The following RGL1 variants were observed in gnomAD, a reference collection of about 807,000 sequenced individuals.
The protein encoded by RGL1 is ral guanine nucleotide dissociation stimulator-like 1.
RGL1 carries 24 observed loss-of-function variants against 95.2 expected under a neutral mutation model. That is an observed-to-expected ratio of 0.25 (90% confidence interval 0.18 to 0.35). The LOEUF (loss-of-function observed/expected upper bound fraction) is 0.35, where lower values mean the gene tolerates loss of function less well. Among genes scored for constraint, RGL1 ranks in the 10% least tolerant of loss-of-function variants. The pLI, the probability that RGL1 is intolerant of heterozygous loss-of-function variation, is 1.00. For missense variants in RGL1, 715 were observed against 936.3 expected (o/e 0.76, Z 3.08); for synonymous variants, 329 against 344.9 (o/e 0.95, Z 0.51).
At chr1:183,856,767 A>T (rs190891593) in intron 3 of RGL1, among the ~76,000 whole-genome samples, 3 of 151,898 alleles carry the variant, frequency 2.0e-5, no homozygotes, top group African/African-American at 4.8e-5. Flanking sequence ...AGAAAAGAGG[A>T]TTGTAAGAAG....
intron 2 of RGL1, among the ~76,000 whole-genome samples, chr1:183,845,331 A>G (rs898521121): frequency 1.3e-5 from 2 of 152,220 alleles, no homozygotes; most frequent in Non-Finnish European, 2.9e-5. Context: ...GCATCTCTGT[A>G]TAATTTGTTA....
intron 2 of RGL1, among the ~76,000 whole-genome samples, chr1:183,846,023 C>T (rs1664400817): frequency 6.6e-6 from 1 of 152,148 alleles, no homozygotes; most frequent in Non-Finnish European, 1.5e-5. Context: ...CACCCTTTGT[C>T]CCAACAATCC....
At chr1:183,668,989 TGCAGTG>T (rs1462608513) in intron 1 of RGL1, among the ~76,000 whole-genome samples, 1 of 143,812 alleles carries the variant, frequency 7.0e-6, no homozygotes, top group Admixed American at 7.5e-5. Context: ...CAGGCTGGAG[TGCAGTG>T]GCAGTGGTGC....
chr1:183,673,778 G>C (rs554547631), intron 1 of RGL1, among the ~76,000 whole-genome samples: 1 of 152,240 alleles, frequency 6.6e-6, no homozygotes, highest in South Asian at 2.1e-4. Flanking sequence ...CCTACCCTTT[G>C]GGATCATCCT....
At chr1:183,665,083 A>T (rs943413910) in intron 1 of RGL1, among the ~76,000 whole-genome samples, 8 of 152,078 alleles carry the variant, frequency 5.3e-5, no homozygotes, top group African/African-American at 1.9e-4. Context: ...TTTGTATTTA[A>T]AATCATTAAT....
chr1:183,730,621 G>A (rs993342153), intron 1 of RGL1, among the ~76,000 whole-genome samples: 1 of 152,162 alleles, frequency 6.6e-6, no homozygotes. Flanking sequence ...TGGAAGGCTA[G>A]TGTTGCCAGA....
chr1:183,772,172 G>A (rs1037331056), intron 2 of RGL1, among the ~76,000 whole-genome samples: 5 of 152,218 alleles, frequency 3.3e-5, no homozygotes, highest in Non-Finnish European at 7.3e-5. Context: ...GCAGGAACCT[G>A]GGATACAGAA....
intron 1 of RGL1, among the ~76,000 whole-genome samples, chr1:183,693,295 A>G (rs145086027): frequency 6.6e-6 from 1 of 152,242 alleles, no homozygotes; most frequent in East Asian, 1.9e-4. Flanking sequence ...AGAACAAAGT[A>G]AATCCTAACA....
intron 1 of RGL1, among the ~76,000 whole-genome samples, chr1:183,683,722 T>A (rs1051290778): frequency 6.6e-5 from 10 of 151,194 alleles, no homozygotes; most frequent in Non-Finnish European, 1.5e-4. Flanking sequence ...GTCTTGCTAG[T>A]TTGGGGAAGT....
chr1:183,774,135 C>G (rs777353144), intron 2 of RGL1, among the ~76,000 whole-genome samples: 24 of 152,080 alleles, frequency 1.6e-4, no homozygotes, highest in Admixed American at 3.9e-4. Flanking sequence ...ACAAGTAATC[C>G]TTTTGGACAG....
chr1:183,840,854 T>C (rs142453616), intron 2 of RGL1, among the ~76,000 whole-genome samples: 1 of 152,234 alleles, frequency 6.6e-6, no homozygotes, highest in African/African-American at 2.4e-5. Context: ...ATTGCACCAC[T>C]GTACTGCGGC....
chr1:183,754,227 C>T (rs1277311844), intron 2 of RGL1, among the ~76,000 whole-genome samples: 1 of 152,084 alleles, frequency 6.6e-6, no homozygotes, highest in African/African-American at 2.4e-5. Context: ...TATAGTATTA[C>T]TAGCTCACCT....
chr1:183,825,493 A>G (rs1001684963), intron 2 of RGL1, among the ~76,000 whole-genome samples: 1 of 152,164 alleles, frequency 6.6e-6, no homozygotes, highest in Admixed American at 6.5e-5. Flanking sequence ...TTTTAAATAC[A>G]TAAGACTGTG....
intron 1 of RGL1, chr1:183,648,641 T>C (rs776107825): frequency 5.0e-6 from 8 of 1,614,192 alleles, no homozygotes; most frequent in Non-Finnish European, 5.9e-6. Context: ...TCTGACAAAA[T>C]TCTGTGAGGG....
chr1:183,658,582 C>G (rs1651368351), intron 1 of RGL1, among the ~76,000 whole-genome samples: 1 of 152,134 alleles, frequency 6.6e-6, no homozygotes, highest in African/African-American at 2.4e-5. Context: ...GAGCCCACCA[C>G]AGCTCAAGGA....
intron 2 of RGL1, among the ~76,000 whole-genome samples, chr1:183,841,529 A>G (rs532393517): frequency 6.6e-6 from 1 of 152,332 alleles, no homozygotes; most frequent in Non-Finnish European, 1.5e-5. Flanking sequence ...TCACCTTTGC[A>G]CCAACCTAAT....
chr1:183,918,728 T>C (rs1207099808), intron 16 of RGL1, among the ~76,000 whole-genome samples: 1 of 152,168 alleles, frequency 6.6e-6, no homozygotes, highest in African/African-American at 2.4e-5. Context: ...GAGAATCACC[T>C]CTCCTGCCAA....
intron 2 of RGL1, among the ~76,000 whole-genome samples, chr1:183,789,440 C>T (rs557371636): frequency 6.6e-6 from 1 of 152,194 alleles, no homozygotes; most frequent in Non-Finnish European, 1.5e-5. Context: ...ACGAGTGAAA[C>T]TCTGTCTCAA....
At chr1:183,733,233 A>G (rs1656736487) in intron 1 of RGL1, among the ~76,000 whole-genome samples, 1 of 152,278 alleles carries the variant, frequency 6.6e-6, no homozygotes, top group East Asian at 1.9e-4. Context: ...ATCGTGACCA[A>G]CACAACAGTT....
Sources: allele counts gnomAD v4.1 joint callset (sites outside exome capture counted in the v4.1 genomes callset), GRCh38; gene constraint gnomAD v4.1.1; transcripts MANE v1.5; gene names NCBI Gene and HGNC (gene_info 2026-07-23, HGNC 2026-07-21).